PRICKLE2: variants seen among roughly 807,000 people sequenced by gnomAD.
PRICKLE2 encodes prickle-like protein 2.
A neutral mutation model predicts 81.4 loss-of-function variants in PRICKLE2; 21 were observed. The ratio of observed to expected loss-of-function variants is 0.26; its 90% CI spans 0.18 to 0.37. PRICKLE2 has a LOEUF of 0.37. PRICKLE2 is among the 10% of genes least tolerant of loss of function. The pLI is 1.00. For synonymous variants in PRICKLE2, 456 were observed against 421.5 expected (o/e 1.08, Z -1.00); for missense variants, 940 against 1,109.0 (o/e 0.85, Z 2.16).
chr3:64,250,956 C>A (rs2079439051), intron 2 of PRICKLE2, among the ~76,000 whole-genome samples: 1 of 152,156 alleles, frequency 6.6e-6, no homozygotes, highest in African/African-American at 2.4e-5. Flanking sequence ...GCACCCTCAG[C>A]CCAACCCCAG....
At chr3:64,116,904 A>C (rs1016455617) in intron 7 of PRICKLE2, among the ~76,000 whole-genome samples, 10 of 152,148 alleles carry the variant, frequency 6.6e-5, no homozygotes, top group African/African-American at 2.4e-4. Context: ...AACAACAAAA[A>C]GTCAGGCCAA....
intron 2 of PRICKLE2, among the ~76,000 whole-genome samples, chr3:64,179,637 G>A (rs1464001578): frequency 6.6e-6 from 1 of 152,136 alleles, no homozygotes; most frequent in Admixed American, 6.5e-5. Context: ...GTGTATGCCT[G>A]TTAATGACCA....
At chr3:64,198,692 G>T in intron 2 of PRICKLE2, 92 bp downstream of exon 2, 10 of 1,391,738 alleles carry the variant, frequency 7.2e-6, no homozygotes, top group Non-Finnish European at 9.2e-6. Flanking sequence ...AATCAGCAAA[G>T]TCTACTCTTC....
chr3:64,160,015 C>G lies in PRICKLE2; in HGVS notation c.321G>C (p.Gln107His). 1.2e-6 allele frequency: 2 copies of G among 1,614,194 alleles called. No individual in the cohort carries two copies. The highest frequency in any genetic ancestry group is 1.7e-6 in the Non-Finnish European group (2 of 1,180,024). ...EKRELKLFSS[Q>H]RKRENLGRGN... ...CGCGGCCCAAGTTTTCGCGTTTCCT[C>G]TGGCTGCTGAAAAGCTTCAGCTCCC... is the stretch of plus-strand genomic sequence containing the variant. Residue 107 changes from glutamine (Q) to histidine (H), a missense_variant, in exon 4 of 8, where the codon CAG (glutamine) becomes CAC (histidine). By Grantham distance (24) the Gln-to-His change is conservative. Coordinates refer to ENST00000638394, the MANE Select transcript of PRICKLE2 (RefSeq NM_198859.4).
At chr3:64,240,632 T>C (rs1322474646) in intron 2 of PRICKLE2, among the ~76,000 whole-genome samples, 1 of 152,158 alleles carries the variant, frequency 6.6e-6, no homozygotes, top group Non-Finnish European at 1.5e-5. Flanking sequence ...GGCCAGGTGC[T>C]TTCAGATCTC....
intron 1 of PRICKLE2, among the ~76,000 whole-genome samples, chr3:64,204,855 G>T (rs1257328063): frequency 6.6e-6 from 1 of 152,028 alleles, no homozygotes; most frequent in Non-Finnish European, 1.5e-5. Flanking sequence ...GGAACCCAAG[G>T]CCCAGACCCT....
chr3:64,136,576 G>A (rs182521820), intron 7 of PRICKLE2, among the ~76,000 whole-genome samples: 68 of 151,874 alleles, frequency 4.5e-4, no homozygotes, highest in African/African-American at 1.6e-3. Context: ...CTTGTACTAG[G>A]AAGTAGGGTT....
intron 1 of PRICKLE2, 71 bp downstream of exon 1, chr3:64,224,839 C>A: frequency 1.1e-6 from 1 of 901,846 alleles, no homozygotes; most frequent in Non-Finnish European, 1.3e-6. Context: ...GGCCCTAGAT[C>A]TGGCTTTCTC....
intron 1 of PRICKLE2, among the ~76,000 whole-genome samples, chr3:64,218,144 AACCCCTCATTCCCCAGAAT>A (rs1326192522): frequency 6.6e-6 from 1 of 152,142 alleles, no homozygotes; most frequent in Non-Finnish European, 1.5e-5. Flanking sequence ...AGTTAACCAG[AACCCCTCATTCCCCAGAAT>A]ACTCCTTTCA....
At chr3:64,142,216 G>A (rs1253585915) in intron 7 of PRICKLE2, among the ~76,000 whole-genome samples, 1 of 151,714 alleles carries the variant, frequency 6.6e-6, no homozygotes, top group East Asian at 1.9e-4. Context: ...CCATAGAAAC[G>A]CACACAAAAT....
chr3:64,170,493 CAGTCG>C (rs1256258628), intron 2 of PRICKLE2, among the ~76,000 whole-genome samples: 2 of 152,096 alleles, frequency 1.3e-5, no homozygotes, highest in Non-Finnish European at 2.9e-5. Flanking sequence ...TGTGCCTCTG[CAGTCG>C]AGTCTCTATT....
chr3:64,116,751 G>A (rs1346691770), intron 7 of PRICKLE2, among the ~76,000 whole-genome samples: 1 of 152,160 alleles, frequency 6.6e-6, no homozygotes, highest in African/African-American at 2.4e-5. Context: ...ATTCACAGCT[G>A]AATTCTGTCA....
chr3:64,255,140 G>A (rs938919755), intron 2 of PRICKLE2, among the ~76,000 whole-genome samples: 2 of 152,162 alleles, frequency 1.3e-5, no homozygotes, highest in African/African-American at 4.8e-5. Context: ...AGTGAGTAGG[G>A]TCACTTTAAA....
At position 64,146,954 on chromosome 3, in the gene PRICKLE2, G is replaced by A. The variant is rs563743611; in HGVS notation, c.1536C>T (p.Gly512=). 2 of 1,614,158 alleles carry A rather than the reference G, an allele frequency of 1.2e-6. No individual in the cohort carries two copies. The highest frequency in any genetic ancestry group is 1.7e-6 in the Non-Finnish European group (2 of 1,180,024). ...GGGTCCGACACTGCTGAGTGGACAA[G>A]CCCCCTTCCTCTTCCTCTTCCTCCT... ...KYEEEEEEEG[G]LSTQQCRTRH... The change falls in exon 7 of 8, where the codon GGC becomes GGT. Residue 512 remains glycine (G), a synonymous_variant. Transcript: ENST00000638394.
At chr3:64,171,971 T>C (rs889508598) in intron 2 of PRICKLE2, among the ~76,000 whole-genome samples, 2 of 152,252 alleles carry the variant, frequency 1.3e-5, no homozygotes. Context: ...AAAATAATTA[T>C]GTTATGCCCT....
chr3:64,107,898 A>T (rs1033127757), intron 7 of PRICKLE2, among the ~76,000 whole-genome samples: 1 of 152,238 alleles, frequency 6.6e-6, no homozygotes, highest in Admixed American at 6.5e-5. Context: ...AGACATTTAC[A>T]ACTTATACTG....
chr3:64,118,441 T>C (rs922126596), intron 7 of PRICKLE2, among the ~76,000 whole-genome samples: 9 of 152,014 alleles, frequency 5.9e-5, no homozygotes, highest in Non-Finnish European at 1.0e-4. Flanking sequence ...TTCTGCAAAC[T>C]AAGCATCTCA....
intron 2 of PRICKLE2, among the ~76,000 whole-genome samples, chr3:64,187,096 G>A (rs1408491580): frequency 6.6e-6 from 1 of 152,168 alleles, no homozygotes; most frequent in Non-Finnish European, 1.5e-5. Context: ...CTCATAATCT[G>A]CACGCAAGCC....
At chr3:64,193,976 C>T (rs2078400155) in intron 2 of PRICKLE2, among the ~76,000 whole-genome samples, 1 of 152,234 alleles carries the variant, frequency 6.6e-6, no homozygotes, top group Admixed American at 6.5e-5. Flanking sequence ...GACTAATGCA[C>T]AGGCAAAAAG....
Sources: gnomAD v4.1 joint callset for allele counts (sites outside exome capture counted in the v4.1 genomes callset) on GRCh38, gnomAD v4.1.1 for gene constraint, MANE v1.5 for transcripts, NCBI Gene and HGNC (gene_info 2026-07-23, HGNC 2026-07-21) for gene names.